UNC13C: variants seen among roughly 807,000 people sequenced by gnomAD.
The protein encoded by UNC13C is protein unc-13 homolog C.
UNC13C carries 174 observed loss-of-function variants against 245.4 expected under a neutral mutation model. The observed-to-expected ratio is 0.71, with a 90% confidence interval of 0.63 to 0.80. The LOEUF (loss-of-function observed/expected upper bound fraction) is 0.80, where lower values mean the gene tolerates loss of function less well. Among genes scored for constraint, UNC13C ranks in the 30% least tolerant of loss-of-function variants. The pLI is 0.00. For missense variants in UNC13C, 2,829 were observed against 2,602.9 expected (o/e 1.09, Z -1.89); for synonymous variants, 992 against 895.1 (o/e 1.11, Z -1.93).
chr15:54,238,022 C>T (rs2035750917), intron 7 of UNC13C, among the ~76,000 whole-genome samples: 1 of 151,102 alleles, frequency 6.6e-6, no homozygotes, highest in African/African-American at 2.4e-5. Flanking sequence ...AAACATCTTC[C>T]ATCTTCCTCC....
chr15:54,175,304 TA>T (rs1400639503), intron 4 of UNC13C, among the ~76,000 whole-genome samples: 1 of 152,010 alleles, frequency 6.6e-6, no homozygotes, highest in Non-Finnish European at 1.5e-5. Context: ...AAGGAAAGAC[TA>T]AAGAGGAAAT....
chr15:54,087,224 T>A (rs35618017), intron 2 of UNC13C, among the ~76,000 whole-genome samples: 29,148 of 151,758 alleles, frequency 0.19, 2,966 homozygotes, highest in Admixed American at 0.28. Flanking sequence ...GCAGTTTTTT[T>A]AAAAAAAATA....
At chr15:53,966,567 A>AT in the UNC13C span, among the ~76,000 whole-genome samples, 10 of 151,674 alleles carry the variant, frequency 6.6e-5, no homozygotes, top group South Asian at 2.1e-4. Context: ...TACTTACTTT[A>AT]TTTTTTTTAA....
intron 23 of UNC13C, among the ~76,000 whole-genome samples, chr15:54,507,398 C>G (rs1214580691): frequency 6.6e-6 from 1 of 151,968 alleles, no homozygotes; most frequent in Non-Finnish European, 1.5e-5. Flanking sequence ...TGTCTCAATG[C>G]CAGCCAACTT....
chr15:54,350,029 C>T (rs915713958), intron 17 of UNC13C, among the ~76,000 whole-genome samples: 3 of 152,024 alleles, frequency 2.0e-5, no homozygotes, highest in African/African-American at 7.2e-5. Flanking sequence ...ACTGTGTCGC[C>T]CAGGCTGGAG....
Position 54,627,233 on chromosome 15 carries a change from C to A in UNC13C, c.*120C>A. ...GTTTGCCAGTACTCATGTACGATGT[C>A]TACAAGGTATGTAAAAAACCTGCTG... On this transcript the variant is annotated 3_prime_UTR_variant, in exon 33 of 33. Coordinates refer to ENST00000260323, the MANE Select transcript of UNC13C (RefSeq NM_001080534.3). 1 of 1,061,760 alleles carries A rather than the reference C, an allele frequency of 9.4e-7. No homozygotes were observed. Among genetic ancestry groups the A allele is most frequent in the South Asian group, 2.1e-5 (1 of 48,506 alleles). 65.8% of individuals were successfully genotyped at this position (1,061,760 alleles called of 1,614,324 possible). A position where few individuals can be genotyped will look rare whatever the true frequency, so the allele number is the denominator to read the frequency against.
chr15:54,265,883 C>T (rs886066267), intron 10 of UNC13C, among the ~76,000 whole-genome samples: 2 of 151,966 alleles, frequency 1.3e-5, no homozygotes, highest in Non-Finnish European at 2.9e-5. Context: ...TAGAGCATCT[C>T]CTGGCCCATC....
chr15:53,923,587 A>G, the UNC13C span, among the ~76,000 whole-genome samples: 2 of 152,202 alleles, frequency 1.3e-5, no homozygotes, highest in Non-Finnish European at 2.9e-5. Context: ...TCTTCCTTCA[A>G]TATTAGCTGT....
chr15:54,227,639 T>C (rs947585404), intron 4 of UNC13C, among the ~76,000 whole-genome samples: 11 of 152,166 alleles, frequency 7.2e-5, no homozygotes, highest in African/African-American at 2.7e-4. Flanking sequence ...TTCAGCCTTG[T>C]TCCAAAAGTG....
chr15:54,504,346 CATT>C (rs1408112451), intron 22 of UNC13C, among the ~76,000 whole-genome samples: 2 of 152,068 alleles, frequency 1.3e-5, no homozygotes, highest in African/African-American at 4.8e-5. Flanking sequence ...ATTCATTGAG[CATT>C]ATTATATGCT....
At chr15:53,857,210 C>T in the UNC13C span, among the ~76,000 whole-genome samples, 3 of 152,160 alleles carry the variant, frequency 2.0e-5, no homozygotes, top group Non-Finnish European at 2.9e-5. Context: ...CCTACTCTGG[C>T]TCAGGAGGCT....
intron 19 of UNC13C, among the ~76,000 whole-genome samples, chr15:54,466,473 A>C (rs1449147603): frequency 6.6e-6 from 1 of 151,914 alleles, no homozygotes; most frequent in Non-Finnish European, 1.5e-5. Context: ...TCAATTTCCA[A>C]AAAAGTCAGC....
At chr15:54,307,977 A>G (rs1402834104) in intron 13 of UNC13C, among the ~76,000 whole-genome samples, 1 of 151,986 alleles carries the variant, frequency 6.6e-6, no homozygotes, top group Non-Finnish European at 1.5e-5. Flanking sequence ...TATTTCTAAC[A>G]TCAGAAATGC....
the UNC13C span, among the ~76,000 whole-genome samples, chr15:53,930,797 A>C: frequency 2.0e-5 from 3 of 152,338 alleles, no homozygotes; most frequent in South Asian, 6.2e-4. Flanking sequence ...AAACAGCCAT[A>C]AACAGCCAGA....
chr15:53,930,421 A>G, the UNC13C span, among the ~76,000 whole-genome samples: 2 of 152,202 alleles, frequency 1.3e-5, no homozygotes, highest in Non-Finnish European at 2.9e-5. Flanking sequence ...TAACTAAAAG[A>G]ACTGGTGGAA....
chr15:54,533,089 C>G, intron 26 of UNC13C, 23 bp downstream of exon 26: 1 of 1,568,412 alleles, frequency 6.4e-7, no homozygotes, highest in Non-Finnish European at 8.7e-7. Flanking sequence ...GCCCAGTTTT[C>G]TCTTTACTTA....
At chr15:54,217,047 G>T (rs16974318) in intron 4 of UNC13C, among the ~76,000 whole-genome samples, 14 of 151,970 alleles carry the variant, frequency 9.2e-5, no homozygotes, top group African/African-American at 3.4e-4. Context: ...AACAGTTAAG[G>T]TATCTAGGAG....
At chr15:53,986,616 A>C (rs572499844) in intron 1 of UNC13C, among the ~76,000 whole-genome samples, 1 of 152,192 alleles carries the variant, frequency 6.6e-6, no homozygotes, top group East Asian at 1.9e-4. Flanking sequence ...GGTTTTTAAA[A>C]ATTATACAGT....
chr15:54,171,388 C>G (rs1436536412), intron 4 of UNC13C, among the ~76,000 whole-genome samples: 1 of 151,912 alleles, frequency 6.6e-6, no homozygotes, highest in Non-Finnish European at 1.5e-5. Flanking sequence ...ATACAAGGGA[C>G]TCAAACAACA....
Sources: allele counts gnomAD v4.1 joint callset (sites outside exome capture counted in the v4.1 genomes callset), GRCh38; gene constraint gnomAD v4.1.1; transcripts MANE v1.5; gene names NCBI Gene and HGNC (gene_info 2026-07-23, HGNC 2026-07-21).